The following PDGFRL variants were observed in gnomAD, a reference collection of about 807,000 sequenced individuals.
PDGFRL encodes platelet-derived growth factor receptor-like protein.
PDGFRL carries 46 observed loss-of-function variants against 37.2 expected under a neutral mutation model. The observed-to-expected ratio is 1.24, with a 90% CI of 0.98 to 1.58. The LOEUF (loss-of-function observed/expected upper bound fraction) is 1.58, where lower values mean the gene tolerates loss of function less well. Among genes scored for constraint, PDGFRL ranks in the 40% most tolerant of loss-of-function variants. PDGFRL has a pLI of 0.00. For missense variants in PDGFRL, 692 were observed against 467.6 expected (o/e 1.48, Z -4.43); for synonymous variants, 251 against 184.3 (o/e 1.36, Z -2.93).
intron 2 of PDGFRL, among the ~76,000 whole-genome samples, chr8:17,618,342 C>T (rs910109416): frequency 2.0e-5 from 3 of 152,216 alleles, no homozygotes; most frequent in Non-Finnish European, 4.4e-5. Context: ...AGGCATGAAC[C>T]ACCGCACCTG....
At chr8:17,642,099 C>T (rs1805129509) in intron 5 of PDGFRL, among the ~76,000 whole-genome samples, 1 of 152,024 alleles carries the variant, frequency 6.6e-6, no homozygotes. Flanking sequence ...AACTTTTCTC[C>T]CACTAGAGTC....
rs551260800 is a variant in PDGFRL at position 17,634,068 on chromosome 8, T to G, written c.800-6T>G. The G allele has an allele frequency of 1.9e-6, 3 of 1,613,956 alleles. No individual in the cohort carries two copies. Among genetic ancestry groups the G allele is most frequent in the East Asian group, 4.5e-5 (2 of 44,898 alleles). ...CTCACTCTGCCTGTTTCGTGCTTGC[T>G]TCCAGTTCCCAGTGGCCCTCCCTCA... is the stretch of plus-strand genomic sequence containing the variant. On this transcript the variant is annotated splice_polypyrimidine_tract_variant and splice_region_variant and intron_variant, in intron 4 of 5. Transcript: ENST00000251630.
At chr8:17,616,954 C>T (rs1447462776) in intron 2 of PDGFRL, among the ~76,000 whole-genome samples, 2 of 152,268 alleles carry the variant, frequency 1.3e-5, no homozygotes, top group South Asian at 2.1e-4. Context: ...GTAAGATGCA[C>T]CGGTCCCTAT....
chr8:17,630,947 G>C (rs1168762083), intron 4 of PDGFRL, among the ~76,000 whole-genome samples: 1 of 152,056 alleles, frequency 6.6e-6, no homozygotes, highest in Non-Finnish European at 1.5e-5. Flanking sequence ...AAAGAGCCTG[G>C]AGTCCTGACA....
chr8:17,634,760 C>T (rs1004633459), intron 5 of PDGFRL, among the ~76,000 whole-genome samples: 1 of 152,002 alleles, frequency 6.6e-6, no homozygotes, highest in Middle Eastern at 3.4e-3. Flanking sequence ...TAAGTGGGAG[C>T]TAAATGATTA....
chr8:17,579,055 G>A (rs1432759924), intron 1 of PDGFRL, among the ~76,000 whole-genome samples: 1 of 151,988 alleles, frequency 6.6e-6, no homozygotes, highest in Non-Finnish European at 1.5e-5. Context: ...AAAATTAGCC[G>A]GGCGTGGTGG....
chr8:17,608,729 A>T (rs1326885180), intron 2 of PDGFRL, among the ~76,000 whole-genome samples: 1 of 152,252 alleles, frequency 6.6e-6, no homozygotes. Flanking sequence ...AACTAGTGAG[A>T]TAAAAGACAA....
At chr8:17,638,818 T>C (rs1446038099) in intron 5 of PDGFRL, among the ~76,000 whole-genome samples, 1 of 143,338 alleles carries the variant, frequency 7.0e-6, no homozygotes, top group Non-Finnish European at 1.5e-5. Context: ...GGCAAGTCCT[T>C]TTATCATTAC....
chr8:17,593,321 A>G (rs1052754125), intron 2 of PDGFRL, among the ~76,000 whole-genome samples: 4 of 152,170 alleles, frequency 2.6e-5, no homozygotes, highest in African/African-American at 7.2e-5. Flanking sequence ...GCCAGGCATG[A>G]TGACTCACAC....
chr8:17,626,189 C>G (rs192505628), intron 3 of PDGFRL, among the ~76,000 whole-genome samples: 8 of 152,338 alleles, frequency 5.3e-5, no homozygotes, highest in Admixed American at 3.9e-4. Context: ...ACTCCAGATT[C>G]TTCTCTTGAC....
At position 17,642,731 on chromosome 8, in the gene PDGFRL, G is replaced by T; in HGVS notation, c.1058G>T (p.Gly353Val). 1 of 1,607,574 alleles carries T rather than the reference G, an allele frequency of 6.2e-7. No homozygotes were observed. Among genetic ancestry groups the T allele is most frequent in the South Asian group, 1.1e-5 (1 of 90,962 alleles). Reference sequence around the variant, plus strand: ...GAAGACTTTGAGACGATTGATGCAGGATATTACATTTGCACTGCTCAGAAT... The same window carrying T: ...GAAGACTTTGAGACGATTGATGCAGTATATTACATTTGCACTGCTCAGAAT... ...TVEDFETIDAGYYICTAQNLQ... is the reference protein window; with the variant it reads ...TVEDFETIDAVYYICTAQNLQ... The change falls in exon 6 of 6, where the codon GGA becomes GTA. Residue 353 changes from glycine (G) to valine (V), a missense_variant. Transcript: ENST00000251630.
At chr8:17,605,094 G>A (rs771392367) in intron 2 of PDGFRL, among the ~76,000 whole-genome samples, 1 of 152,176 alleles carries the variant, frequency 6.6e-6, no homozygotes, top group Non-Finnish European at 1.5e-5. Flanking sequence ...TCCAGCTTGG[G>A]CAACAGAGTG....
intron 1 of PDGFRL, among the ~76,000 whole-genome samples, chr8:17,582,446 G>A (rs1179504534): frequency 1.3e-5 from 2 of 151,998 alleles, no homozygotes; most frequent in East Asian, 1.9e-4. Context: ...GCCTGATGTC[G>A]TGGTGCGCAC....
chr8:17,629,648 C>G (rs1166043871), intron 4 of PDGFRL, among the ~76,000 whole-genome samples: 1 of 152,142 alleles, frequency 6.6e-6, no homozygotes, highest in Non-Finnish European at 1.5e-5. Flanking sequence ...CCCTGCTTGT[C>G]ACTCCATTTT....
At chr8:17,629,361 G>A (rs1023000327) in intron 4 of PDGFRL, among the ~76,000 whole-genome samples, 2 of 146,976 alleles carry the variant, frequency 1.4e-5, no homozygotes, top group African/African-American at 2.6e-5. Flanking sequence ...GTTCACTCTG[G>A]TGCTGCCTCT....
At position 17,606,894 on chromosome 8, in the gene PDGFRL, GTTTTT is replaced by G. The variant is rs1198809504; in HGVS notation, c.354-14142_354-14138del. Among the ~76,000 whole-genome samples, 104 of 123,670 alleles carry G rather than the reference GTTTTT, an allele frequency of 8.4e-4. 4 individuals are homozygous for G. The highest frequency in any genetic ancestry group is 4.2e-3 in the Middle Eastern group (1 of 238). 81.1% of individuals were successfully genotyped at this position (123,670 alleles called of 152,430 possible). On this transcript the variant is annotated intron_variant, in intron 2 of 5. Coordinates refer to ENST00000251630, the MANE Select transcript of PDGFRL (RefSeq NM_001372073.1). ...CCAGTTTTTCGTTTTTTGTTTTTTT[GTTTTT>G]TTTTTTTTTTTTTTGAGACGGAGTC...
intron 2 of PDGFRL, among the ~76,000 whole-genome samples, chr8:17,598,945 C>T (rs551965962): frequency 4.7e-4 from 71 of 152,318 alleles, no homozygotes; most frequent in African/African-American, 1.7e-3. Flanking sequence ...TCCCCAGCCA[C>T]GTGGAACTGT....
intron 2 of PDGFRL, among the ~76,000 whole-genome samples, chr8:17,608,242 T>C (rs184440739): frequency 1.3e-5 from 2 of 152,304 alleles, no homozygotes; most frequent in East Asian, 3.9e-4. Context: ...TCCATCCCAC[T>C]GCCTAGATCC....
intron 2 of PDGFRL, among the ~76,000 whole-genome samples, chr8:17,594,302 G>A (rs1411997828): frequency 6.6e-6 from 1 of 151,830 alleles, no homozygotes; most frequent in Non-Finnish European, 1.5e-5. Context: ...GTGCAGTGGG[G>A]GGATCTCGGC....
Sources: allele counts gnomAD v4.1 joint callset (sites outside exome capture counted in the v4.1 genomes callset), GRCh38; gene constraint gnomAD v4.1.1; transcripts MANE v1.5; gene names NCBI Gene and HGNC (gene_info 2026-07-23, HGNC 2026-07-21).